MYRIP: variants seen among roughly 807,000 people sequenced by gnomAD.
The protein encoded by MYRIP is myosin VIIA and Rab interacting protein.
A neutral mutation model predicts 98.0 loss-of-function variants in MYRIP; 49 were observed. The ratio of observed to expected loss-of-function variants is 0.50; its 90% CI spans 0.40 to 0.63. The LOEUF is 0.63. Among genes scored for constraint, MYRIP ranks in the 30% least tolerant of loss-of-function variants. MYRIP has a pLI of 0.00. For synonymous variants in MYRIP, 404 were observed against 409.5 expected, an observed-to-expected ratio of 0.99 and a Z score of 0.16; for missense variants, 1,004 against 1,058.2, an observed-to-expected ratio of 0.95 and a Z score of 0.71.
rs137923616 is a variant in MYRIP at position 40,031,089 on chromosome 3, C to G, written c.111-12961C>G. On this transcript the variant is annotated intron_variant, in intron 2 of 16. Transcript: ENST00000302541. ...TATCATAGACTGGGTGGCTAATAAACAAAAGAAATGTATTTCTCACAGTTT... is the reference window on the plus strand; with the variant it reads ...TATCATAGACTGGGTGGCTAATAAAGAAAAGAAATGTATTTCTCACAGTTT... Among the ~76,000 whole-genome samples, 974 of 152,104 alleles carry G rather than the reference C, an allele frequency of 6.4e-3. 5 individuals carry two copies. The highest frequency in any genetic ancestry group is 0.028 in the East Asian group (142 of 5,160).
At chr3:39,905,171 C>G (rs1943847128) in intron 2 of MYRIP, among the ~76,000 whole-genome samples, 1 of 152,104 alleles carries the variant, frequency 6.6e-6, no homozygotes, top group African/African-American at 2.4e-5. Flanking sequence ...ATTTTATTTT[C>G]TGTGTTTCTT....
chr3:39,917,903 C>T (rs1397948498), intron 2 of MYRIP, among the ~76,000 whole-genome samples: 1 of 151,750 alleles, frequency 6.6e-6, no homozygotes, highest in Non-Finnish European at 1.5e-5. Flanking sequence ...AAAACTTCTC[C>T]ACTTTGGATT....
chr3:39,883,506 T>C (rs1943208818), intron 1 of MYRIP, among the ~76,000 whole-genome samples: 1 of 152,116 alleles, frequency 6.6e-6, no homozygotes, highest in African/African-American at 2.4e-5. Flanking sequence ...AAAATAACTA[T>C]ATGTTACTAC....
chr3:40,208,656 G>T (rs2693482), intron 10 of MYRIP, among the ~76,000 whole-genome samples: 69,364 of 152,032 alleles, frequency 0.46, 16,766 homozygotes, highest in Non-Finnish European at 0.55. Flanking sequence ...CCTTTGCCTA[G>T]AATATTGTTC....
intron 1 of MYRIP, among the ~76,000 whole-genome samples, chr3:39,845,423 A>T (rs1160285117): frequency 6.6e-6 from 1 of 152,066 alleles, no homozygotes; most frequent in Non-Finnish European, 1.5e-5. Flanking sequence ...TCATTTTTTA[A>T]ATTATCTATA....
At chr3:40,029,193 A>G (rs1457257890) in intron 2 of MYRIP, among the ~76,000 whole-genome samples, 5 of 152,196 alleles carry the variant, frequency 3.3e-5, no homozygotes. Context: ...ATGACTTAGC[A>G]CATCTTCTGC....
intron 1 of MYRIP, among the ~76,000 whole-genome samples, chr3:39,823,616 A>T (rs1444605659): frequency 6.6e-6 from 1 of 152,208 alleles, no homozygotes; most frequent in Non-Finnish European, 1.5e-5. Flanking sequence ...GATGTTGAGC[A>T]TTATAAATAT....
At chr3:40,233,386 T>C (rs1450184127) in intron 11 of MYRIP, among the ~76,000 whole-genome samples, 3 of 152,088 alleles carry the variant, frequency 2.0e-5, no homozygotes, top group African/African-American at 7.2e-5. Context: ...GTTCCAGAAA[T>C]GAGAAATAAC....
chr3:39,813,879 A>G (rs1017307278), intron 1 of MYRIP, among the ~76,000 whole-genome samples: 2 of 151,336 alleles, frequency 1.3e-5, no homozygotes, highest in African/African-American at 2.4e-5. Flanking sequence ...ACAACATGTT[A>G]TGGACACCTG....
intron 3 of MYRIP, among the ~76,000 whole-genome samples, chr3:40,044,738 G>C (rs916125361): frequency 5.3e-5 from 8 of 152,170 alleles, no homozygotes; most frequent in African/African-American, 1.9e-4. Context: ...TGACTAGTTT[G>C]TCTATTGGCT....
intron 7 of MYRIP, among the ~76,000 whole-genome samples, chr3:40,169,491 TC>T (rs1950565921): frequency 6.6e-6 from 1 of 152,186 alleles, no homozygotes; most frequent in African/African-American, 2.4e-5. Flanking sequence ...TGATAGGGCT[TC>T]CAGATGCTTC....
At chr3:40,203,990 ATT>A (rs1559451291) in intron 10 of MYRIP, among the ~76,000 whole-genome samples, 174 of 4,346 alleles carry the variant, frequency 0.04, 27 homozygotes, top group African/African-American at 0.065. Flanking sequence ...TATAATATAT[ATT>A]ATATATATTA....
intron 1 of MYRIP, among the ~76,000 whole-genome samples, chr3:39,830,751 C>A (rs1310613573): frequency 6.6e-6 from 1 of 152,108 alleles, no homozygotes; most frequent in African/African-American, 2.4e-5. Context: ...TGTTATTTTT[C>A]TTTTCTTGGA....
At chr3:40,196,263 A>G (rs1951390967) in intron 10 of MYRIP, among the ~76,000 whole-genome samples, 2 of 151,586 alleles carry the variant, frequency 1.3e-5, no homozygotes, top group Non-Finnish European at 2.9e-5. Context: ...TTTTATATTT[A>G]TTAATGTCTT....
chr3:40,010,201 C>T (rs1327135091), intron 2 of MYRIP, among the ~76,000 whole-genome samples: 1 of 152,186 alleles, frequency 6.6e-6, no homozygotes, highest in African/African-American at 2.4e-5. Flanking sequence ...TTCTGAAGCA[C>T]AAAGCCAGCA....
chr3:39,882,963 T>C (rs1457209123), intron 1 of MYRIP, among the ~76,000 whole-genome samples: 1 of 151,124 alleles, frequency 6.6e-6, no homozygotes, highest in African/African-American at 2.4e-5. Flanking sequence ...GAATAAAATA[T>C]GAGAGAAAAA....
chr3:40,201,692 T>G lies in MYRIP; in HGVS notation c.1666-8162T>G, dbSNP rs147058013. Among the ~76,000 whole-genome samples, 465 of 152,258 alleles carry G rather than the reference T, an allele frequency of 3.1e-3. 3 individuals are homozygous for G. The highest frequency in any genetic ancestry group is 9.4e-3 in the African/African-American group (389 of 41,544). ...AATAGGAAATGTATTATAATATTAATTTCTATGAGATTCCAGATGGTGTCT... is the reference window on the plus strand; with the variant it reads ...AATAGGAAATGTATTATAATATTAAGTTCTATGAGATTCCAGATGGTGTCT... On this transcript the variant is annotated intron_variant, in intron 10 of 16. Transcript: ENST00000302541.
chr3:39,956,430 T>G (rs927332038), intron 2 of MYRIP, among the ~76,000 whole-genome samples: 1 of 152,108 alleles, frequency 6.6e-6, no homozygotes, highest in East Asian at 1.9e-4. Context: ...GAATGACTAA[T>G]GGGTACATAA....
chr3:40,187,730 T>C (rs1951076996), intron 9 of MYRIP, among the ~76,000 whole-genome samples: 1 of 152,206 alleles, frequency 6.6e-6, no homozygotes, highest in Non-Finnish European at 1.5e-5. Context: ...TCAGGGACCT[T>C]GTCCTCATAC....
Sources: allele counts gnomAD v4.1 joint callset (sites outside exome capture counted in the v4.1 genomes callset), GRCh38; gene constraint gnomAD v4.1.1; transcripts MANE v1.5; gene names NCBI Gene and HGNC (gene_info 2026-07-23, HGNC 2026-07-21).